Variants in BCAR3 observed in about 807,000 individuals in gnomAD.
The protein encoded by BCAR3 is BCAR3 adaptor protein, NSP family member.
BCAR3 carries 37 observed loss-of-function variants against 80.1 expected under a neutral mutation model. The ratio of observed to expected loss-of-function variants is 0.46; its 90% CI spans 0.36 to 0.61. The LOEUF (loss-of-function observed/expected upper bound fraction) is 0.61. Ranked by LOEUF, BCAR3 falls within the 20% of genes least tolerant of loss-of-function variation. The probability of loss-of-function intolerance (pLI) is 0.00; values close to 1 mark genes in which losing one functional copy is unlikely to be tolerated. For missense variants in BCAR3, 978 were observed against 1,068.2 expected (o/e 0.92, Z 1.18); for synonymous variants, 389 against 418.9 (o/e 0.93, Z 0.87).
At chr1:93,704,817 C>A (rs2101975467) in intron 3 of BCAR3, among the ~76,000 whole-genome samples, 1 of 152,288 alleles carries the variant, frequency 6.6e-6, no homozygotes, top group East Asian at 1.9e-4. Flanking sequence ...AATTCTTCTT[C>A]TTTTTAAAAG....
intron 2 of BCAR3, among the ~76,000 whole-genome samples, chr1:93,760,960 A>T (rs561514172): frequency 6.6e-6 from 1 of 152,308 alleles, no homozygotes; most frequent in South Asian, 2.1e-4. Context: ...GGACCATGGT[A>T]GACAGTGGGA....
intron 2 of BCAR3, among the ~76,000 whole-genome samples, chr1:93,828,116 A>G (rs1234852655): frequency 6.6e-6 from 1 of 152,148 alleles, no homozygotes; most frequent in East Asian, 1.9e-4. Flanking sequence ...TGGGCTACAG[A>G]GCAAGACCCT....
chr1:93,615,666 G>C (rs1367454508), intron 3 of BCAR3, among the ~76,000 whole-genome samples: 1 of 152,136 alleles, frequency 6.6e-6, no homozygotes, highest in Non-Finnish European at 1.5e-5. Flanking sequence ...GTCCAGTACC[G>C]CACCTGTGAG....
intron 3 of BCAR3, among the ~76,000 whole-genome samples, chr1:93,693,906 G>C (rs958876641): frequency 6.6e-5 from 10 of 152,216 alleles, no homozygotes; most frequent in Non-Finnish European, 1.3e-4. Context: ...CCAAGGCTCT[G>C]CCTCTTGCTT....
intron 2 of BCAR3, among the ~76,000 whole-genome samples, chr1:93,727,471 TG>T (rs1215450146): frequency 6.6e-6 from 1 of 152,236 alleles, no homozygotes; most frequent in Non-Finnish European, 1.5e-5. Context: ...AGCTCGGCAA[TG>T]TATTAAAAAC....
chr1:93,839,050 C>A (rs996589245), intron 2 of BCAR3, among the ~76,000 whole-genome samples: 1 of 152,220 alleles, frequency 6.6e-6, no homozygotes, highest in African/African-American at 2.4e-5. Context: ...CGCCTGTAAT[C>A]CCAGCACTTT....
intron 7 of BCAR3, among the ~76,000 whole-genome samples, chr1:93,580,414 C>T (rs1167812918): frequency 6.6e-6 from 1 of 151,970 alleles, no homozygotes; most frequent in African/African-American, 2.4e-5. Flanking sequence ...AGCCCACCAT[C>T]GCCTGAGACA....
intron 2 of BCAR3, among the ~76,000 whole-genome samples, chr1:93,793,246 C>T (rs377416133): frequency 1.8e-5 from 1 of 55,918 alleles, no homozygotes; most frequent in Non-Finnish European, 2.9e-5. Context: ...TTCCTCCTTG[C>T]ACCTCTGGTA....
Position 93,674,652 on chromosome 1 carries a change from G to T in BCAR3, c.279C>A (p.Ser93Arg). The T allele has an allele frequency of 6.2e-7, 1 of 1,613,928 alleles. No homozygotes were observed. The highest frequency in any genetic ancestry group is 1.7e-4 in the Middle Eastern group (1 of 5,992). Residue 93 changes from serine to arginine, a missense_variant, in exon 2 of 12, where the codon AGC (serine) becomes AGA (arginine). By Grantham distance (110) the Ser-to-Arg change is moderately radical. Coordinates refer to ENST00000260502, the MANE Select transcript of BCAR3 (RefSeq NM_003567.4). Reference sequence around the variant, plus strand: ...TTTCGCCGTGCCGGTCCTGCCATGGGCTCTCCTGGATGCCATCCTGGGTCA... The same window carrying T: ...TTTCGCCGTGCCGGTCCTGCCATGGTCTCTCCTGGATGCCATCCTGGGTCA... ...SPVTQDGIQE[S>R]PWQDRHGETF...
intron 2 of BCAR3, among the ~76,000 whole-genome samples, chr1:93,802,898 A>G (rs1222413690): frequency 6.6e-6 from 1 of 152,156 alleles, no homozygotes; most frequent in Non-Finnish European, 1.5e-5. Context: ...GTGCACATAA[A>G]GAGACTCCCT....
intron 2 of BCAR3, among the ~76,000 whole-genome samples, chr1:93,659,587 A>G (rs1647556494): frequency 1.3e-5 from 2 of 151,882 alleles, no homozygotes; most frequent in African/African-American, 2.4e-5. Context: ...GGTTACATAT[A>G]TAAGTATAAT....
chr1:93,630,860 C>T (rs915992133), intron 3 of BCAR3, among the ~76,000 whole-genome samples: 3 of 152,146 alleles, frequency 2.0e-5, no homozygotes, highest in East Asian at 1.9e-4. Context: ...GTTTAATCCC[C>T]GATCTTCCCA....
chr1:93,773,409 A>G (rs750148415), intron 2 of BCAR3, among the ~76,000 whole-genome samples: 2 of 152,226 alleles, frequency 1.3e-5, no homozygotes, highest in Non-Finnish European at 2.9e-5. Context: ...CTGTTTAGGG[A>G]GACTGGACAG....
chr1:93,606,790 G>A (rs1418265460), intron 3 of BCAR3, among the ~76,000 whole-genome samples: 2 of 152,204 alleles, frequency 1.3e-5, no homozygotes, highest in African/African-American at 4.8e-5. Flanking sequence ...ACTAGAAAGA[G>A]AAACCCAAGA....
At chr1:93,583,949 G>C (rs1673832675) in intron 6 of BCAR3, 69 bp downstream of exon 6, 16 of 1,457,370 alleles carry the variant, frequency 1.1e-5, no homozygotes, top group Middle Eastern at 1.8e-4. Flanking sequence ...AACTAGATGG[G>C]GCAGGGTAAC....
chr1:93,607,887 G>A (rs938664940), intron 3 of BCAR3, among the ~76,000 whole-genome samples: 2 of 152,068 alleles, frequency 1.3e-5, no homozygotes, highest in African/African-American at 4.8e-5. Flanking sequence ...ATCTCCATCC[G>A]CCCACCAGAC....
At chr1:93,776,494 C>T (rs1160862623) in intron 2 of BCAR3, among the ~76,000 whole-genome samples, 3 of 152,116 alleles carry the variant, frequency 2.0e-5, no homozygotes, top group Non-Finnish European at 1.5e-5. Flanking sequence ...TATTAAATAT[C>T]TAGTAAGTAT....
chr1:93,565,388 T>TTCAGTTA (rs56106149), intron 11 of BCAR3, among the ~76,000 whole-genome samples: 104,761 of 151,430 alleles, frequency 0.69, 36,766 homozygotes, highest in Non-Finnish European at 0.77. Flanking sequence ...CTCCTATTCA[T>TTCAGTTA]ACATGCTTTG....
chr1:93,790,046 A>G (rs1327741196), intron 2 of BCAR3, among the ~76,000 whole-genome samples: 1 of 152,194 alleles, frequency 6.6e-6, no homozygotes, highest in Non-Finnish European at 1.5e-5. Flanking sequence ...GGGCCATAGA[A>G]GACTGCCTTT....
Sources: allele counts gnomAD v4.1 joint callset (sites outside exome capture counted in the v4.1 genomes callset), GRCh38; gene constraint gnomAD v4.1.1; transcripts MANE v1.5; gene names NCBI Gene and HGNC (gene_info 2026-07-23, HGNC 2026-07-21).